The following MSRA variants were observed in gnomAD, a reference collection of about 807,000 sequenced individuals.
The protein encoded by MSRA is mitochondrial peptide methionine sulfoxide reductase.
Under a neutral mutation model 31.3 loss-of-function variants are expected in MSRA, and 54 were observed. That is an observed-to-expected ratio of 1.73 (90% CI 1.39 to 2.17). The LOEUF (loss-of-function observed/expected upper bound fraction) is 2.17, where lower values mean the gene tolerates loss of function less well. Ranked by LOEUF, MSRA falls within the 30% of genes most tolerant of loss-of-function variation. MSRA has a pLI of 0.00. For synonymous variants in MSRA, 169 were observed against 116.5 expected (o/e 1.45, Z -2.90); for missense variants, 507 against 300.9 (o/e 1.69, Z -5.07).
At chr8:10,080,107 C>G (rs1175840537) in intron 1 of MSRA, among the ~76,000 whole-genome samples, 1 of 152,152 alleles carries the variant, frequency 6.6e-6, no homozygotes, top group Non-Finnish European at 1.5e-5. Flanking sequence ...CCATCTTTTT[C>G]TCTGTTCTTT....
intron 5 of MSRA, chr8:10,353,755 CAG>C (rs1804342523): frequency 5.1e-6 from 2 of 389,772 alleles, no homozygotes; most frequent in Middle Eastern, 3.6e-4. Flanking sequence ...CAGCAGAGGA[CAG>C]GGTTCCACTT....
At chr8:10,309,012 G>A (rs1801289632) in intron 4 of MSRA, among the ~76,000 whole-genome samples, 14 of 152,208 alleles carry the variant, frequency 9.2e-5, no homozygotes, top group Admixed American at 9.2e-4. Flanking sequence ...AGAACTATGT[G>A]ACTGGCTCCT....
chr8:10,308,387 C>T (rs996058827), intron 4 of MSRA, among the ~76,000 whole-genome samples: 27 of 152,262 alleles, frequency 1.8e-4, no homozygotes, highest in Admixed American at 9.8e-4. Context: ...CAGATCGGCC[C>T]GGCACTCGCT....
intron 1 of MSRA, among the ~76,000 whole-genome samples, chr8:10,176,596 C>G (rs1357759392): frequency 6.6e-6 from 1 of 152,232 alleles, no homozygotes. Context: ...AAGACTTTAA[C>G]TTTTCCCCAA....
intron 5 of MSRA, among the ~76,000 whole-genome samples, chr8:10,339,578 G>T (rs1803286681): frequency 8.8e-6 from 1 of 113,442 alleles, no homozygotes; most frequent in South Asian, 2.9e-4. Flanking sequence ...ATCTCGTTCT[G>T]TCGCCCAGGC....
At chr8:10,398,951 A>G (rs1387730305) in intron 5 of MSRA, among the ~76,000 whole-genome samples, 1 of 152,214 alleles carries the variant, frequency 6.6e-6, no homozygotes, top group Non-Finnish European at 1.5e-5. Context: ...AGGCAGATGC[A>G]GCTTCCACTT....
chr8:10,236,346 G>A (rs968531552), intron 2 of MSRA, among the ~76,000 whole-genome samples: 6 of 152,130 alleles, frequency 3.9e-5, no homozygotes, highest in African/African-American at 1.4e-4. Context: ...TTTCTGTATA[G>A]GAAATCAATG....
intron 5 of MSRA, among the ~76,000 whole-genome samples, chr8:10,324,790 C>G (rs937282884): frequency 2.0e-5 from 3 of 152,190 alleles, no homozygotes; most frequent in Admixed American, 1.3e-4. Flanking sequence ...AAGTTAGCCC[C>G]TGCCACTGGT....
Position 10,184,604 on chromosome 8 carries a change from C to A in MSRA, c.143-23229C>A, listed in dbSNP as rs536699037. On this transcript the variant is annotated intron_variant, in intron 1 of 5. Transcript: ENST00000317173. ...AGCAAGACATTTTTAAGGATGAAGG[C>A]ATATTAAAAACAACTCTAAGGATGC... Among the ~76,000 whole-genome samples the A allele has an allele frequency of 7.9e-5, 12 of 152,082 alleles. No individual in the cohort carries two copies. In the South Asian group the frequency reaches 2.3e-3, roughly 29 times the overall value.
chr8:10,109,164 A>G (rs1800101237), intron 1 of MSRA, among the ~76,000 whole-genome samples: 1 of 152,194 alleles, frequency 6.6e-6, no homozygotes, highest in Non-Finnish European at 1.5e-5. Flanking sequence ...TAAAATGCAT[A>G]TAGTGCCTGC....
intron 1 of MSRA, among the ~76,000 whole-genome samples, chr8:10,063,412 C>T (rs1797306297): frequency 6.6e-6 from 1 of 152,216 alleles, no homozygotes; most frequent in Admixed American, 6.5e-5. Flanking sequence ...CAATGCTGGA[C>T]ACTTGCTGTA....
At chr8:10,356,083 C>A (rs982538689) in intron 5 of MSRA, among the ~76,000 whole-genome samples, 1 of 152,170 alleles carries the variant, frequency 6.6e-6, no homozygotes, top group South Asian at 2.1e-4. Flanking sequence ...GGAGCTGGGA[C>A]TAAGTGGTCT....
intron 5 of MSRA, among the ~76,000 whole-genome samples, chr8:10,390,204 A>C (rs1031467018): frequency 1.3e-5 from 2 of 152,224 alleles, no homozygotes; most frequent in African/African-American, 4.8e-5. Context: ...CAGGCCCAGT[A>C]CAGGGTCTGC....
At chr8:10,184,946 G>A (rs1177369087) in intron 1 of MSRA, among the ~76,000 whole-genome samples, 2 of 152,190 alleles carry the variant, frequency 1.3e-5, no homozygotes, top group African/African-American at 2.4e-5. Flanking sequence ...AGTAAATGAT[G>A]TTGAATAAAA....
chr8:10,274,745 C>G (rs1475887418), intron 3 of MSRA, among the ~76,000 whole-genome samples: 1 of 152,070 alleles, frequency 6.6e-6, no homozygotes, highest in Non-Finnish European at 1.5e-5. Context: ...GTACACCCAC[C>G]CACTCACCCA....
chr8:10,192,089 T>C (rs1169296807), intron 1 of MSRA, among the ~76,000 whole-genome samples: 2 of 152,112 alleles, frequency 1.3e-5, no homozygotes, highest in African/African-American at 2.4e-5. Context: ...CCTTACGATA[T>C]AGCAGCTGGT....
At chr8:10,375,632 T>A (rs927788995) in intron 5 of MSRA, among the ~76,000 whole-genome samples, 9 of 152,160 alleles carry the variant, frequency 5.9e-5, no homozygotes, top group Non-Finnish European at 1.3e-4. Context: ...GGGCATTGGC[T>A]TGTCCAGAAT....
chr8:10,232,159 C>G (rs1221818591), intron 2 of MSRA, among the ~76,000 whole-genome samples: 1 of 152,100 alleles, frequency 6.6e-6, no homozygotes, highest in African/African-American at 2.4e-5. Flanking sequence ...TGAGTGAAGT[C>G]TAAAAGCAGG....
chr8:10,056,208 A>AAC (rs544719959), intron 1 of MSRA, among the ~76,000 whole-genome samples: 20,282 of 130,504 alleles, frequency 0.16, 1,676 homozygotes, highest in African/African-American at 0.21. Context: ...CAAAAAAAAA[A>AAC]AAAAAAAAAA....
Sources: allele counts gnomAD v4.1 joint callset (sites outside exome capture counted in the v4.1 genomes callset), GRCh38; gene constraint gnomAD v4.1.1; transcripts MANE v1.5; gene names NCBI Gene and HGNC (gene_info 2026-07-23, HGNC 2026-07-21).